The following FAAH2 variants were observed in gnomAD, a reference collection of about 807,000 sequenced individuals.
FAAH2 encodes fatty acid amide hydrolase 2, also known as fatty-acid amide hydrolase 2.
In FAAH2, 60 loss-of-function variants were observed where a neutral mutation model predicts 36.9. That is an observed-to-expected ratio of 1.63 (90% CI 1.32 to 2.02). FAAH2 has a LOEUF of 2.02. Ranked by LOEUF, FAAH2 falls within the 30% of genes most tolerant of loss-of-function variation. The pLI is 0.00. For missense variants in FAAH2, 689 were observed against 397.5 expected (o/e 1.73, Z -6.23); for synonymous variants, 214 against 143.8 (o/e 1.49, Z -3.49).
chrX:57,194,715 G>A, the FAAH2 span, among the ~76,000 whole-genome samples: 1 of 110,561 alleles, frequency 9.0e-6, no homozygotes, highest in African/African-American at 3.3e-5. Context: ...TACCCAATGT[G>A]TAATCTTTTA....
the FAAH2 span, among the ~76,000 whole-genome samples, chrX:57,171,752 G>T: frequency 5.4e-5 from 6 of 111,728 alleles, no homozygotes; most frequent in African/African-American, 1.6e-4. Flanking sequence ...CTGAGCAGAA[G>T]ATTTTTAGTT....
At chrX:57,250,247 G>T in the FAAH2 span, among the ~76,000 whole-genome samples, 2 of 111,394 alleles carry the variant, frequency 1.8e-5, no homozygotes, top group Non-Finnish European at 3.8e-5. Flanking sequence ...CATCTGTAAG[G>T]GATCAAAATA....
At chrX:57,393,055 G>A (rs914437591) in intron 7 of FAAH2, 9 of 905,843 alleles carry the variant, frequency 9.9e-6, no homozygotes, top group Admixed American at 2.2e-5. Flanking sequence ...GCCTGAGCCA[G>A]GGCTAAGGTA....
chrX:57,201,932 T>C, the FAAH2 span, among the ~76,000 whole-genome samples: 1 of 111,948 alleles, frequency 8.9e-6, no homozygotes, highest in African/African-American at 3.2e-5. Flanking sequence ...AAGACTGTAA[T>C]ACATTCTTAC....
At chrX:57,401,461 G>A (rs2055433416) in intron 7 of FAAH2, among the ~76,000 whole-genome samples, 1 of 111,750 alleles carries the variant, frequency 8.9e-6, no homozygotes, top group African/African-American at 3.3e-5. Context: ...ATTTGGGAAA[G>A]CAGAGTATAA....
chrX:57,488,794 C>T lies in FAAH2; in HGVS notation c.1461C>T (p.Cys487=), dbSNP rs758393470. The T allele has an allele frequency of 2.5e-6, 3 of 1,210,458 alleles. No individual in the cohort carries two copies. In the Admixed American group the frequency reaches 6.5e-5, roughly 26 times the overall value. ...CCCTGGGTTTGCCTGTGACCCAATG[C>T]CCACTGGGACTGAATGCCAAAGGAC... is the stretch of plus-strand genomic sequence containing the variant. ...FSALGLPVTQ[C]PLGLNAKGLP... The change falls in exon 11 of 11, where the codon TGC becomes TGT. Residue 487 remains cysteine, a synonymous_variant. Transcript: ENST00000374900.
At chrX:57,474,543 C>T (rs2057229961) in intron 10 of FAAH2, among the ~76,000 whole-genome samples, 2 of 111,714 alleles carry the variant, frequency 1.8e-5, no homozygotes, top group Non-Finnish European at 3.8e-5. Context: ...AGAGCTTGTT[C>T]TTTTTTATGG....
intron 5 of FAAH2, among the ~76,000 whole-genome samples, chrX:57,350,082 A>G (rs1237910148): frequency 9.0e-6 from 1 of 111,398 alleles, no homozygotes; most frequent in Non-Finnish European, 1.9e-5. Flanking sequence ...TTCAAAGGCC[A>G]GAAAATAAAT....
At chrX:57,451,520 G>A (rs181661585) in intron 10 of FAAH2, among the ~76,000 whole-genome samples, 1 of 111,677 alleles carries the variant, frequency 9.0e-6, no homozygotes, top group African/African-American at 3.3e-5. Context: ...AACAAAGGAA[G>A]GCTTTCTGGA....
chrX:57,458,782 C>G (rs1471682447), intron 10 of FAAH2, among the ~76,000 whole-genome samples: 1 of 111,933 alleles, frequency 8.9e-6, no homozygotes, highest in Non-Finnish European at 1.9e-5. Context: ...CTGGGCTATC[C>G]AGCCCATTTA....
chrX:57,376,654 C>A (rs1159043357), intron 5 of FAAH2, among the ~76,000 whole-genome samples: 1 of 111,502 alleles, frequency 9.0e-6, no homozygotes, highest in African/African-American at 3.3e-5. Flanking sequence ...CGTTATAATT[C>A]TTTGGGTATA....
chrX:57,304,005 G>C (rs1330188414), intron 2 of FAAH2, among the ~76,000 whole-genome samples: 1 of 110,857 alleles, frequency 9.0e-6, no homozygotes, highest in Non-Finnish European at 1.9e-5. Flanking sequence ...TCAGGAGTTC[G>C]AGACCAGCCT....
the FAAH2 span, among the ~76,000 whole-genome samples, chrX:57,181,535 A>T: frequency 9.0e-6 from 1 of 111,519 alleles, no homozygotes; most frequent in Non-Finnish European, 1.9e-5. Flanking sequence ...GAAGTGAAAG[A>T]TCTCTACAAG....
the FAAH2 span, among the ~76,000 whole-genome samples, chrX:57,210,909 CTAAA>C: frequency 1.8e-4 from 20 of 112,508 alleles, no homozygotes; most frequent in African/African-American, 6.5e-4. Flanking sequence ...AGTATGCATG[CTAAA>C]TAGTCAATGC....
intron 1 of FAAH2, among the ~76,000 whole-genome samples, chrX:57,287,974 C>A (rs960844800): frequency 9.0e-6 from 1 of 111,359 alleles, no homozygotes; most frequent in African/African-American, 3.3e-5. Context: ...CGTACCCCCT[C>A]CCCAGCCTCT....
At chrX:57,159,108 A>G in the FAAH2 span, among the ~76,000 whole-genome samples, 1 of 112,076 alleles carries the variant, frequency 8.9e-6, no homozygotes, top group South Asian at 3.7e-4. Flanking sequence ...TCCATTCCCC[A>G]TTTCTTGTTT....
chrX:57,470,349 C>T (rs1032843720), intron 10 of FAAH2, among the ~76,000 whole-genome samples: 1 of 111,212 alleles, frequency 9.0e-6, no homozygotes, highest in South Asian at 3.8e-4. Context: ...TGATAGACTA[C>T]TAGCAAGACT....
chrX:57,277,090 C>T, the FAAH2 span, among the ~76,000 whole-genome samples: 75 of 110,293 alleles, frequency 6.8e-4, no homozygotes, highest in African/African-American at 2.2e-3. Context: ...CCAGCATCAG[C>T]CTGATACCAA....
At chrX:57,401,766 C>G (rs926290076) in intron 7 of FAAH2, among the ~76,000 whole-genome samples, 1 of 111,203 alleles carries the variant, frequency 9.0e-6, no homozygotes, top group African/African-American at 3.3e-5. Flanking sequence ...TTCTGTTGCC[C>G]AGGCTTCAGG....
Sources: allele counts gnomAD v4.1 joint callset (sites outside exome capture counted in the v4.1 genomes callset), GRCh38; gene constraint gnomAD v4.1.1; transcripts MANE v1.5; gene names NCBI Gene and HGNC (gene_info 2026-07-23, HGNC 2026-07-21).